Variants in ZNF91 observed in about 807,000 individuals in gnomAD.
ZNF91 encodes zinc finger protein 91 (HPF7, HTF10).
In ZNF91, 7 loss-of-function variants were observed where a neutral mutation model predicts 12.6. That is an observed-to-expected ratio of 0.55 (90% CI 0.31 to 1.04). The LOEUF (loss-of-function observed/expected upper bound fraction) is 1.04, where lower values mean the gene tolerates loss of function less well. ZNF91 is among the 50% of genes least tolerant of loss of function. The probability of loss-of-function intolerance (pLI) is 0.05; values close to 1 mark genes in which losing one functional copy is unlikely to be tolerated. For synonymous variants in ZNF91, 453 were observed against 462.6 expected (o/e 0.98, Z 0.27); for missense variants, 1,217 against 1,385.4 (o/e 0.88, Z 1.93).
upstream of ZNF91, among the ~76,000 whole-genome samples, chr19:23,313,410 T>C (rs1171327711): frequency 6.6e-6 from 1 of 152,222 alleles, no homozygotes; most frequent in African/African-American, 2.4e-5. Context: ...ACCCAGCACC[T>C]AGCTGATGTG....
At chr19:23,393,241 G>C (rs1306668426) in intron 1 of ZNF91, among the ~76,000 whole-genome samples, 1 of 151,978 alleles carries the variant, frequency 6.6e-6, no homozygotes, top group African/African-American at 2.4e-5. Context: ...AAGCTGAATT[G>C]GGTGAAGGCA....
intron 3 of ZNF91, 151 bp downstream of exon 3, chr19:23,373,591 C>G: frequency 4.0e-6 from 2 of 501,700 alleles, no homozygotes; most frequent in Non-Finnish European, 7.2e-6. Flanking sequence ...TAAGCATTAA[C>G]AGAAGTGATA....
At chr19:23,368,804 A>G (rs1443689717) in intron 3 of ZNF91, among the ~76,000 whole-genome samples, 2 of 151,954 alleles carry the variant, frequency 1.3e-5, no homozygotes, top group Non-Finnish European at 2.9e-5. Context: ...TTAAAACGGA[A>G]CAATAAAGTT....
Position 23,362,131 on chromosome 19 carries a change from C to T in ZNF91, c.848G>A (p.Arg283Lys), listed in dbSNP as rs1968816912. 2 of 1,612,474 alleles carry T rather than the reference C, an allele frequency of 1.2e-6. No individual in the cohort carries two copies. Among genetic ancestry groups the T allele is most frequent in the Admixed American group, 1.7e-5 (1 of 59,896 alleles). The change falls in exon 4 of 4, where the codon AGA (arginine) becomes AAA (lysine). Residue 283 changes from arginine (R) to lysine (K), a missense_variant. This residue lies in a region of ZNF91 where 726 missense variants were observed against 895.5 expected (regional missense o/e 0.81). Coordinates refer to ENST00000300619, the MANE Select transcript of ZNF91 (RefSeq NM_003430.4). ...KAFLWSSTLT[R>K]HKRIHTGEKP... ...CTCTCCAGTGTGTATCCTCTTATGT[C>T]TAGTTAGGGTTGAGGACCATAGAAA...
At chr19:23,372,178 A>G (rs372213707) in intron 3 of ZNF91, among the ~76,000 whole-genome samples, 1 of 152,150 alleles carries the variant, frequency 6.6e-6, no homozygotes, top group East Asian at 1.9e-4. Flanking sequence ...AATTTGAAGT[A>G]GAAAATAAAA....
chr19:23,357,573 T>A (rs1180488214), downstream of ZNF91: 1 of 152,228 alleles, frequency 6.6e-6, no homozygotes, highest in African/African-American at 2.4e-5. Context: ...GACTAACAGA[T>A]GTGTATATTT....
chr19:23,387,806 G>C (rs1969923977), intron 1 of ZNF91, among the ~76,000 whole-genome samples: 1 of 152,026 alleles, frequency 6.6e-6, no homozygotes, highest in Admixed American at 6.6e-5. Flanking sequence ...CGGGCATGGT[G>C]GTGGTGGGCA....
At chr19:23,324,460 T>C (rs1434058696) in intron 1 of ZNF91, 1 of 152,040 alleles carries the variant, frequency 6.6e-6, no homozygotes, top group Admixed American at 6.6e-5. Context: ...AGAACTGATG[T>C]GCATTTATAT....
At position 23,360,820 on chromosome 19, in the gene ZNF91, C is replaced by G. The variant is rs369828654; in HGVS notation, c.2159G>C (p.Gly720Ala). The change falls in exon 4 of 4, where the codon GGC becomes GCC. Residue 720 changes from glycine (G) to alanine (A), a missense_variant. By Grantham distance (60) the Gly-to-Ala change is moderately conservative. Coordinates refer to ENST00000300619, the MANE Select transcript of ZNF91 (RefSeq NM_003430.4). ...ATTTGAAGATCGATTAAAAGCTTTG[C>G]CACATTCTTCACATTTGTAGAGTTT... ...GEKLYKCEECGKAFNRSSNLT... is the reference protein window; with the variant it reads ...GEKLYKCEECAKAFNRSSNLT... 5.8e-5 allele frequency: 93 copies of G among 1,613,338 alleles called. No homozygotes were observed. The African/African-American group carries it at 1.1e-3, about 20-fold the overall frequency.
chr19:23,387,014 G>A (rs1335938824), intron 1 of ZNF91, among the ~76,000 whole-genome samples: 1 of 152,074 alleles, frequency 6.6e-6, no homozygotes, highest in South Asian at 2.1e-4. Flanking sequence ...GATGCTTTTC[G>A]AAAGAAGACA....
At chr19:23,326,076 T>C (rs904082072) in intron 1 of ZNF91, 2 of 152,254 alleles carry the variant, frequency 1.3e-5, no homozygotes, top group African/African-American at 2.4e-5. Context: ...GTTCTTTTTG[T>C]TTTGTCTCCA....
intron 1 of ZNF91, among the ~76,000 whole-genome samples, chr19:23,388,923 A>G (rs1267605418): frequency 6.6e-6 from 1 of 152,186 alleles, no homozygotes; most frequent in Admixed American, 6.6e-5. Flanking sequence ...AACCAAATGC[A>G]TGTTATTTAT....
rs566456566 is a variant in ZNF91 at position 23,323,736 on chromosome 19, TTCTCC to T, written n.117-14644_117-14640del. The stretch of plus-strand genomic sequence containing the variant: ...TCTTTTCTTCTACGCCTTCTCCTCA[TTCTCC>T]TCTCCTCTTTTTCTCATTCTTTTCG... On this transcript the variant is annotated intron_variant and non_coding_transcript_variant, in intron 1 of 1. Coordinates refer to the ZNF91 transcript ENST00000596528. Among the ~76,000 whole-genome samples the T allele has an allele frequency of 6.5e-3, 814 of 125,206 alleles. 10 individuals are homozygous for T. Among genetic ancestry groups the T allele is most frequent in the African/African-American group, 0.027 (745 of 27,616 alleles). The allele number at this position is 125,206 out of a possible 152,430, so 82.1% of individuals were successfully genotyped here.
chr19:23,357,387 G>C (rs1482859248), downstream of ZNF91, among the ~76,000 whole-genome samples: 2 of 152,194 alleles, frequency 1.3e-5, no homozygotes, highest in Non-Finnish European at 2.9e-5. Flanking sequence ...TGTACAGCAA[G>C]AAATTCAATA....
chr19:23,311,019 C>T (rs1041851458), upstream of ZNF91, among the ~76,000 whole-genome samples: 1 of 152,190 alleles, frequency 6.6e-6, no homozygotes, highest in Non-Finnish European at 1.5e-5. Context: ...ACACCCTGAC[C>T]ACAGAAAGAA....
At chr19:23,317,531 A>G (rs1481992152) in intron 1 of ZNF91, among the ~76,000 whole-genome samples, 1 of 152,160 alleles carries the variant, frequency 6.6e-6, no homozygotes, top group Admixed American at 6.5e-5. Flanking sequence ...TGGTGCTACA[A>G]TGAGTTTCCT....
intron 3 of ZNF91, among the ~76,000 whole-genome samples, chr19:23,346,942 T>C (rs1204195462): frequency 6.6e-6 from 1 of 152,152 alleles, no homozygotes; most frequent in Non-Finnish European, 1.5e-5. Flanking sequence ...CCATCTAAAC[T>C]TGGCCACGCC....
At chr19:23,368,576 A>G (rs1969125934) in intron 3 of ZNF91, among the ~76,000 whole-genome samples, 1 of 134,562 alleles carries the variant, frequency 7.4e-6, no homozygotes, top group Non-Finnish European at 1.6e-5. Context: ...ATATATATGA[A>G]ACACATGACA....
intron 3 of ZNF91, among the ~76,000 whole-genome samples, chr19:23,370,850 T>C (rs958597645): frequency 6.6e-6 from 1 of 152,188 alleles, no homozygotes; most frequent in Non-Finnish European, 1.5e-5. Flanking sequence ...GTAAATTATA[T>C]GTTATGTGTT....
Sources: gnomAD v4.1 joint callset for allele counts (sites outside exome capture counted in the v4.1 genomes callset) on GRCh38, gnomAD v4.1.1 for gene constraint, gnomAD v4.1.1 regional missense constraint, MANE v1.5 for transcripts, NCBI Gene and HGNC (gene_info 2026-07-23, HGNC 2026-07-21) for gene names.